CA10: variants seen among roughly 807,000 people sequenced by gnomAD.
The protein encoded by CA10 is carbonic anhydrase-related protein 10.
Under a neutral mutation model 44.2 loss-of-function variants are expected in CA10, and 14 were observed. The observed-to-expected ratio is 0.32, with a 90% CI of 0.21 to 0.50. The LOEUF is 0.50. Ranked by LOEUF, CA10 falls within the 20% of genes least tolerant of loss-of-function variation. CA10 has a pLI of 0.99. For missense variants in CA10, 350 were observed against 409.7 expected, an observed-to-expected ratio of 0.85 and a Z score of 1.26; for synonymous variants, 159 against 141.6, an observed-to-expected ratio of 1.12 and a Z score of -0.87.
At chr17:51,761,827 A>G (rs1048589028) in intron 3 of CA10, 1 of 152,122 alleles carries the variant, frequency 6.6e-6, no homozygotes, top group Admixed American at 6.6e-5. Context: ...CAAAATCCAA[A>G]CAGGTCTCTA....
At chr17:51,839,684 T>G (rs577286199) in intron 3 of CA10, among the ~76,000 whole-genome samples, 1 of 152,130 alleles carries the variant, frequency 6.6e-6, no homozygotes, top group Non-Finnish European at 1.5e-5. Flanking sequence ...GAGGGGCTTA[T>G]AGCTTGGTAG....
At chr17:51,675,583 G>A (rs1052995603) in intron 4 of CA10, among the ~76,000 whole-genome samples, 52 of 151,298 alleles carry the variant, frequency 3.4e-4, no homozygotes, top group African/African-American at 1.2e-3. Flanking sequence ...AGGTGTGGTG[G>A]CAGGCACCTG....
At chr17:51,836,467 G>A (rs1022294410) in intron 3 of CA10, among the ~76,000 whole-genome samples, 1 of 152,200 alleles carries the variant, frequency 6.6e-6, no homozygotes, top group Non-Finnish European at 1.5e-5. Flanking sequence ...GAGCTCACAG[G>A]ATGGAGGCAG....
chr17:51,801,330 C>T (rs1347642990), intron 3 of CA10, among the ~76,000 whole-genome samples: 1 of 152,134 alleles, frequency 6.6e-6, no homozygotes, highest in Non-Finnish European at 1.5e-5. Context: ...CAGTAAATCT[C>T]CAGTCGCCCT....
At chr17:52,107,289 G>A (rs1029144192) in intron 1 of CA10, among the ~76,000 whole-genome samples, 49 of 152,110 alleles carry the variant, frequency 3.2e-4, no homozygotes, top group Non-Finnish European at 6.8e-4. Flanking sequence ...AATAAGGAGG[G>A]TATGAAATCT....
intron 2 of CA10, among the ~76,000 whole-genome samples, chr17:51,982,654 C>A (rs913687798): frequency 6.6e-6 from 1 of 151,726 alleles, no homozygotes; most frequent in Non-Finnish European, 1.5e-5. Context: ...CTCTCTTTTT[C>A]CCTGATGGTT....
At chr17:51,711,558 G>C (rs1056340485) in intron 4 of CA10, among the ~76,000 whole-genome samples, 1 of 152,222 alleles carries the variant, frequency 6.6e-6, no homozygotes, top group Non-Finnish European at 1.5e-5. Context: ...GATGTCTTCT[G>C]TTGGGTTCCT....
chr17:52,089,079 G>A (rs147085351), intron 1 of CA10, among the ~76,000 whole-genome samples: 5 of 152,254 alleles, frequency 3.3e-5, no homozygotes, highest in African/African-American at 1.2e-4. Context: ...ATGTAATCAC[G>A]AATTTCAAAA....
At chr17:51,779,480 G>T (rs1905960105) in intron 3 of CA10, among the ~76,000 whole-genome samples, 1 of 152,192 alleles carries the variant, frequency 6.6e-6, no homozygotes, top group Non-Finnish European at 1.5e-5. Flanking sequence ...AAATATGCAG[G>T]TGTGCAAATG....
intron 6 of CA10, among the ~76,000 whole-genome samples, chr17:51,637,648 A>G (rs1255097832): frequency 3.3e-5 from 5 of 152,246 alleles, no homozygotes; most frequent in Non-Finnish European, 7.3e-5. Flanking sequence ...ACTTTCACAT[A>G]TGGCTGGAAC....
chr17:51,749,728 C>T (rs560087400), intron 3 of CA10, among the ~76,000 whole-genome samples: 1 of 152,332 alleles, frequency 6.6e-6, no homozygotes, highest in Non-Finnish European at 1.5e-5. Flanking sequence ...GCCTGAGTGC[C>T]AACCATACTG....
intron 3 of CA10, among the ~76,000 whole-genome samples, chr17:51,866,231 G>C (rs1173505943): frequency 6.6e-6 from 1 of 152,178 alleles, no homozygotes; most frequent in Non-Finnish European, 1.5e-5. Flanking sequence ...GCCCCAGGAA[G>C]GTACTAGGTT....
intron 1 of CA10, among the ~76,000 whole-genome samples, chr17:52,098,408 A>T (rs748121757): frequency 1.3e-5 from 2 of 152,144 alleles, no homozygotes; most frequent in Non-Finnish European, 2.9e-5. Context: ...TAGTCTGAGG[A>T]CCATATTTTG....
chr17:51,830,195 C>CAAAAAAAAAAAAAAAAAAAAAAAAA (rs1220410518), intron 3 of CA10, among the ~76,000 whole-genome samples: 2 of 89,980 alleles, frequency 2.2e-5, no homozygotes, highest in African/African-American at 4.8e-5. Flanking sequence ...GACTCCATCT[C>CAAAAAAAAAAAAAAAAAAAAAAAAA]AAAAAAAAAA....
intron 2 of CA10, among the ~76,000 whole-genome samples, chr17:52,016,438 T>A (rs1985970319): frequency 6.6e-6 from 1 of 152,138 alleles, no homozygotes; most frequent in Admixed American, 6.5e-5. Flanking sequence ...TGCAAAAAGC[T>A]AATTTGATTT....
chr17:52,132,002 G>C (rs1262361948), intron 1 of CA10, among the ~76,000 whole-genome samples: 1 of 151,658 alleles, frequency 6.6e-6, no homozygotes, highest in Non-Finnish European at 1.5e-5. Flanking sequence ...ACATTCTGGG[G>C]ACTGTTGTGG....
At position 51,729,341 on chromosome 17, in the gene CA10, GTGT is replaced by G. The variant is rs1333559754; in HGVS notation, c.465+18289_465+18291del. Among the ~76,000 whole-genome samples, 188 of 151,794 alleles carry G rather than the reference GTGT, an allele frequency of 1.2e-3. 5 individuals carry two copies. In the East Asian group the frequency reaches 0.036, roughly 29 times the overall value. Reference sequence around the variant, plus strand: ...TCTTTTCAGATGCTTAAACTTTTTTGTGTGTGTGTGTGTATCACCACACACACA... The same window carrying G: ...TCTTTTCAGATGCTTAAACTTTTTTGGTGTGTGTGTATCACCACACACACA... On this transcript the variant is annotated intron_variant, in intron 4 of 8. Transcript: ENST00000451037.
chr17:52,029,999 G>A (rs1048085600), intron 2 of CA10, among the ~76,000 whole-genome samples: 1 of 152,184 alleles, frequency 6.6e-6, no homozygotes, highest in African/African-American at 2.4e-5. Flanking sequence ...GTTCATTTCT[G>A]TAGAGCACAT....
intron 3 of CA10, among the ~76,000 whole-genome samples, chr17:51,801,031 A>T (rs1201680517): frequency 6.6e-6 from 1 of 152,106 alleles, no homozygotes; most frequent in Non-Finnish European, 1.5e-5. Flanking sequence ...GTAGGCATGG[A>T]TCTCTGAGTG....
Sources: gnomAD v4.1 joint callset for allele counts (sites outside exome capture counted in the v4.1 genomes callset) on GRCh38, gnomAD v4.1.1 for gene constraint, MANE v1.5 for transcripts, NCBI Gene and HGNC (gene_info 2026-07-23, HGNC 2026-07-21) for gene names.